The following ZZEF1 variants were observed in gnomAD, a reference collection of about 807,000 sequenced individuals.
The protein encoded by ZZEF1 is zinc finger ZZ-type and EF-hand domain containing 1, also known as zinc finger ZZ-type and EF-hand domain-containing protein 1.
In ZZEF1, 157 loss-of-function variants were observed where a neutral mutation model predicts 342.8. That is an observed-to-expected ratio of 0.46 (90% CI 0.40 to 0.52). The LOEUF (loss-of-function observed/expected upper bound fraction) is 0.52, where lower values mean the gene tolerates loss of function less well. Ranked by LOEUF, ZZEF1 falls within the 20% of genes least tolerant of loss-of-function variation. The pLI, the probability that ZZEF1 is intolerant of heterozygous loss-of-function variation, is 0.00. For synonymous variants in ZZEF1, 1,505 were observed against 1,429.1 expected (o/e 1.05, Z -1.20); for missense variants, 3,480 against 3,725.6 (o/e 0.93, Z 1.72).
intron 44 of ZZEF1, among the ~76,000 whole-genome samples, chr17:4,021,834 G>C (rs904162350): frequency 2.0e-5 from 3 of 151,922 alleles, no homozygotes; most frequent in Non-Finnish European, 4.4e-5. Flanking sequence ...ATGCAGTCTA[G>C]ATTTACACAT....
At position 4,100,378 on chromosome 17, in the gene ZZEF1, CT is replaced by C. The variant is rs201534205; in HGVS notation, c.1672+1938del. On this transcript the variant is annotated intron_variant, in intron 9 of 54. Transcript: ENST00000381638. The stretch of plus-strand genomic sequence containing the variant: ...TCCCCACACCCATTCACATCCCACC[CT>C]TGTGTTTCTCAGGCACATGGCAAAA... Among the ~76,000 whole-genome samples, 82 of 152,310 alleles carry C rather than the reference CT, an allele frequency of 5.4e-4. 1 individual carries two copies. In the East Asian group the frequency reaches 0.015, roughly 28 times the overall value.
At chr17:4,057,881 A>C in intron 32 of ZZEF1, 113 bp downstream of exon 32, 2 of 1,138,330 alleles carry the variant, frequency 1.8e-6, no homozygotes, top group Non-Finnish European at 2.5e-6. Flanking sequence ...GGCAAAGCCA[A>C]GATATGACAC....
chr17:4,081,313 C>T (rs1446527915), intron 18 of ZZEF1, 63 bp downstream of exon 18: 1 of 1,323,162 alleles, frequency 7.6e-7, no homozygotes, highest in Non-Finnish European at 1.1e-6. Context: ...GCACAAGAGA[C>T]TGCCACATCA....
chr17:4,077,891 A>G lies in ZZEF1; in HGVS notation c.2981T>C (p.Ile994Thr), dbSNP rs1432061000. Residue 994 changes from isoleucine to threonine, a missense_variant, in exon 19 of 55, where the codon ATT becomes ACT. By Grantham distance (89) the Ile-to-Thr change is moderately conservative. This residue lies in a region of ZZEF1 where 1,528 missense variants were observed against 1,624.1 expected (regional missense o/e 0.94). Coordinates refer to ENST00000381638, the MANE Select transcript of ZZEF1 (RefSeq NM_015113.4). ...SGAKDLAVDL[I>T]EKYVGQFLAS... ...TTTATATTGAAACTCACATTTTTCA[A>G]TAAGGTCCACGGCAAGATCTTTGGC... 8 of 1,613,328 alleles carry G rather than the reference A, an allele frequency of 5.0e-6. No individual in the cohort carries two copies. Among genetic ancestry groups the G allele is most frequent in the South Asian group, 3.3e-5 (3 of 90,988 alleles).
chr17:4,081,511 C>A (rs760917049), intron 17 of ZZEF1, 21 bp from the exon 18 acceptor site: 6 of 1,581,702 alleles, frequency 3.8e-6, no homozygotes, highest in Non-Finnish European at 5.2e-6. Flanking sequence ...ACAAATTAGT[C>A]ATGACACCTG....
chr17:4,022,312 G>C (rs2056292560), intron 44 of ZZEF1: 1 of 176,998 alleles, frequency 5.6e-6, no homozygotes, highest in African/African-American at 2.4e-5. Context: ...ACGGGGAACA[G>C]TAATAAAATT....
intron 5 of ZZEF1, 146 bp from the exon 6 acceptor site, chr17:4,110,009 A>G (rs964537231): frequency 1.5e-6 from 1 of 677,532 alleles, no homozygotes; most frequent in African/African-American, 1.8e-5. Flanking sequence ...TAGCATGTGC[A>G]ATGGAACTAG....
intron 53 of ZZEF1, 136 bp downstream of exon 53, chr17:4,009,468 G>T: frequency 8.2e-7 from 1 of 1,224,440 alleles, no homozygotes; most frequent in Non-Finnish European, 1.2e-6. Context: ...CAGACTCTCA[G>T]CCATGCCTGT....
Position 4,117,055 on chromosome 17 carries a change from A to G in ZZEF1, c.611T>C (p.Met204Thr). 1 of 1,614,156 alleles carries G rather than the reference A, an allele frequency of 6.2e-7. No homozygotes were observed. The highest frequency in any genetic ancestry group is 8.5e-7 in the Non-Finnish European group (1 of 1,180,008). The change falls in exon 3 of 55, where the codon ATG becomes ACG. Residue 204 changes from methionine (M) to threonine (T), a missense_variant. Met to Thr is a moderately conservative substitution (Grantham distance 81, BLOSUM62 -1). Transcript: ENST00000381638. ...GCACATGTTATTGCAGTGCTCCAGCATCGGGTAGGGCATCACCGCGCTGGA... is the reference window on the plus strand; with the variant it reads ...GCACATGTTATTGCAGTGCTCCAGCGTCGGGTAGGGCATCACCGCGCTGGA... The part of the protein sequence containing the change: ...RLSSAVMPYP[M>T]LEHCNNMCTM...
chr17:4,042,933 T>C (rs781832), intron 38 of ZZEF1, among the ~76,000 whole-genome samples: 74,578 of 152,108 alleles, frequency 0.49, 20,759 homozygotes, highest in African/African-American at 0.77. Flanking sequence ...CCGCCCACCT[T>C]GGCCTCTCAA....
At chr17:4,030,680 T>C in intron 42 of ZZEF1, among the ~76,000 whole-genome samples, 1 of 152,168 alleles carries the variant, frequency 6.6e-6, no homozygotes. Flanking sequence ...TTTTATGTAG[T>C]GATGGGGGTC....
intron 14 of ZZEF1, 138 bp from the exon 15 acceptor site, chr17:4,086,793 G>T (rs2057838592): frequency 5.2e-6 from 4 of 764,428 alleles, no homozygotes; most frequent in Non-Finnish European, 8.4e-6. Context: ...AAACTGAGAG[G>T]AAGAAGGGTG....
intron 6 of ZZEF1, among the ~76,000 whole-genome samples, chr17:4,107,927 G>A (rs1161994101): frequency 6.6e-6 from 1 of 152,184 alleles, no homozygotes; most frequent in Non-Finnish European, 1.5e-5. Context: ...ACATATGGAA[G>A]CATTCCGAGA....
intron 29 of ZZEF1, among the ~76,000 whole-genome samples, 154 bp downstream of exon 29, chr17:4,064,207 A>T (rs964047953): frequency 1.3e-5 from 2 of 152,154 alleles, no homozygotes; most frequent in African/African-American, 4.8e-5. Context: ...AAGAAAAAAA[A>T]AAAAATCAAA....
chr17:4,120,757 A>G (rs1009517127), intron 2 of ZZEF1, among the ~76,000 whole-genome samples: 2 of 152,254 alleles, frequency 1.3e-5, no homozygotes, highest in Admixed American at 1.3e-4. Context: ...ACTGGGCAAC[A>G]TGGCAAAACG....
rs1175757109 is a variant in ZZEF1, at chr17:4,013,318, C to T, written c.8579+131G>A. 7 of 916,420 alleles carry T rather than the reference C, an allele frequency of 7.6e-6. No individual in the cohort carries two copies. The East Asian group carries it at 8.9e-5, about 12-fold the overall frequency. The allele number at this position is 916,420 out of a possible 1,614,324, so 56.8% of individuals were successfully genotyped here. On this transcript the variant is annotated intron_variant, in intron 52 of 54. Coordinates refer to ENST00000381638, the MANE Select transcript of ZZEF1 (RefSeq NM_015113.4). ...AAGAACGCTAGCATAAAGCAAATGA[C>T]TGAAAAACTGGAAGACATTAAAGCC...
At chr17:4,024,814 G>T in intron 43 of ZZEF1, 105 bp downstream of exon 43, 1 of 1,117,598 alleles carries the variant, frequency 8.9e-7, no homozygotes. Context: ...AAGATCCTAT[G>T]GTTTACCATC....
At chr17:4,077,404 C>T (rs1205924377) in intron 19 of ZZEF1, among the ~76,000 whole-genome samples, 1 of 152,152 alleles carries the variant, frequency 6.6e-6, no homozygotes, top group East Asian at 1.9e-4. Flanking sequence ...GATGGAACTA[C>T]ATTTTCCACG....
At chr17:4,022,640 A>G in intron 44 of ZZEF1, 69 bp downstream of exon 44, 1 of 1,606,008 alleles carries the variant, frequency 6.2e-7, no homozygotes, top group South Asian at 1.1e-5. Flanking sequence ...GAACTCGGTG[A>G]TGCTTCTAAC....
Sources: gnomAD v4.1 joint callset for allele counts (sites outside exome capture counted in the v4.1 genomes callset) on GRCh38, gnomAD v4.1.1 for gene constraint, gnomAD v4.1.1 regional missense constraint, MANE v1.5 for transcripts, NCBI Gene and HGNC (gene_info 2026-07-23, HGNC 2026-07-21) for gene names.